Variants in DMRT1 observed in about 807,000 individuals in gnomAD.
DMRT1 encodes the protein doublesex- and mab-3-related transcription factor 1.
DMRT1 carries 7 observed loss-of-function variants against 32.3 expected under a neutral mutation model. The observed-to-expected ratio is 0.22, with a 90% CI of 0.12 to 0.41. DMRT1 has a LOEUF of 0.41. Among genes scored for constraint, DMRT1 ranks in the 10% least tolerant of loss-of-function variants. The pLI is 1.00. For synonymous variants in DMRT1, 278 were observed against 206.1 expected, an observed-to-expected ratio of 1.35 and a Z score of -2.99; for missense variants, 625 against 500.5, an observed-to-expected ratio of 1.25 and a Z score of -2.37.
At chr9:922,866 G>A (rs887202232) in intron 4 of DMRT1, among the ~76,000 whole-genome samples, 2 of 149,802 alleles carry the variant, frequency 1.3e-5, no homozygotes, top group Non-Finnish European at 2.9e-5. Flanking sequence ...CGTGAAGCGA[G>A]TTGCAGAGCA....
chr9:852,743 C>T (rs1053417831), intron 2 of DMRT1, among the ~76,000 whole-genome samples: 2 of 152,216 alleles, frequency 1.3e-5, no homozygotes, highest in East Asian at 3.8e-4. Flanking sequence ...TCCCCCAGAT[C>T]AAACCACCTC....
intron 2 of DMRT1, among the ~76,000 whole-genome samples, chr9:882,420 C>G (rs1247241264): frequency 6.6e-6 from 1 of 152,180 alleles, no homozygotes; most frequent in Non-Finnish European, 1.5e-5. Flanking sequence ...GAAGTCCTTT[C>G]TTATCCTTTA....
chr9:875,957 T>C (rs1248372154), intron 2 of DMRT1, among the ~76,000 whole-genome samples: 1 of 152,164 alleles, frequency 6.6e-6, no homozygotes, highest in African/African-American at 2.4e-5. Flanking sequence ...CACATGTGAT[T>C]GGCAGAGCTG....
intron 2 of DMRT1, among the ~76,000 whole-genome samples, chr9:866,733 A>G (rs2132595887): frequency 6.6e-6 from 1 of 152,272 alleles, no homozygotes; most frequent in Admixed American, 6.5e-5. Context: ...TGTGTGTGAG[A>G]CTGTCCCATG....
intron 3 of DMRT1, among the ~76,000 whole-genome samples, chr9:913,339 A>C (rs901422029): frequency 2.0e-5 from 3 of 152,156 alleles, no homozygotes; most frequent in Non-Finnish European, 2.9e-5. Context: ...CCTTGCTTCT[A>C]ATTCAGTGTT....
At chr9:861,050 CTTTTTTT>C (rs140608243) in intron 2 of DMRT1, among the ~76,000 whole-genome samples, 13 of 121,402 alleles carry the variant, frequency 1.1e-4, no homozygotes, top group Admixed American at 4.1e-4. Context: ...AATTTACTTT[CTTTTTTT>C]TTTTTTTTTT....
chr9:861,671 G>A (rs1378898849), intron 2 of DMRT1, among the ~76,000 whole-genome samples: 1 of 151,384 alleles, frequency 6.6e-6, no homozygotes, highest in Non-Finnish European at 1.5e-5. Context: ...CTTCCCAGAC[G>A]GGGAAGCCGG....
intron 4 of DMRT1, among the ~76,000 whole-genome samples, chr9:944,188 A>G (rs1819168324): frequency 6.6e-6 from 1 of 152,228 alleles, no homozygotes; most frequent in African/African-American, 2.4e-5. Flanking sequence ...TGCACCCGGC[A>G]CATGAGTGGT....
chr9:857,407 A>G (rs1172826203), intron 2 of DMRT1, among the ~76,000 whole-genome samples: 2 of 152,132 alleles, frequency 1.3e-5, no homozygotes, highest in Non-Finnish European at 1.5e-5. Flanking sequence ...TTTATATTGA[A>G]AGGAACAGTA....
At chr9:864,690 CAG>C (rs1226971788) in intron 2 of DMRT1, among the ~76,000 whole-genome samples, 3 of 151,060 alleles carry the variant, frequency 2.0e-5, no homozygotes, top group African/African-American at 7.3e-5. Flanking sequence ...TTAGTAGAGA[CAG>C]GGTTTCACCA....
intron 2 of DMRT1, among the ~76,000 whole-genome samples, chr9:891,167 C>A (rs1268151505): frequency 6.6e-6 from 1 of 151,094 alleles, no homozygotes; most frequent in Non-Finnish European, 1.5e-5. Context: ...TAGTGAGACC[C>A]CATCTCTATA....
In DMRT1 at chr9:842,020, C is replaced by T. The variant is rs777177912; in HGVS notation, c.182C>T (p.Ser61Leu). 1.9e-6 allele frequency: 3 copies of T among 1,550,400 alleles called. No homozygotes were observed. Among genetic ancestry groups the T allele is most frequent in the East Asian group, 4.8e-5 (2 of 41,482 alleles). The change falls in exon 1 of 5, where the codon TCG (serine) becomes TTG (leucine). Residue 61 changes from serine to leucine, a missense_variant. By Grantham distance (145) the Ser-to-Leu change is moderately radical (BLOSUM62 -2). This residue lies in a region of DMRT1 where 201 missense variants were observed against 152.0 expected (regional missense o/e 1.32). Transcript: ENST00000382276. ...SRGGGSGSGA[S>L]DLGAGSKKSP... ...GGAGGCGGCTCCGGCTCCGGGGCGT[C>T]GGACCTGGGTGCCGGGAGCAAGAAG...
At chr9:856,327 A>C (rs1815399745) in intron 2 of DMRT1, among the ~76,000 whole-genome samples, 1 of 152,168 alleles carries the variant, frequency 6.6e-6, no homozygotes, top group Admixed American at 6.6e-5. Context: ...AGTGTTTTTT[A>C]GTAAATTCAC....
Position 930,568 on chromosome 9 carries a change from C to T in DMRT1, c.967+13661C>T, listed in dbSNP as rs533964529. On this transcript the variant is annotated intron_variant, in intron 4 of 4. Coordinates refer to ENST00000382276, the MANE Select transcript of DMRT1 (RefSeq NM_021951.3). The stretch of plus-strand genomic sequence containing the variant: ...GGGCTACAGGCGCCCGCCACCATGC[C>T]CAGCAAATCCTTTGTATTTTTAGTA... Among the ~76,000 whole-genome samples, 15 of 152,190 alleles carry T rather than the reference C, an allele frequency of 9.9e-5. No individual in the cohort carries two copies. The East Asian group carries it at 2.1e-3, about 22-fold the overall frequency.
At chr9:908,888 C>A (rs927953703) in intron 3 of DMRT1, among the ~76,000 whole-genome samples, 3 of 152,148 alleles carry the variant, frequency 2.0e-5, no homozygotes, top group African/African-American at 7.2e-5. Flanking sequence ...GGAAAAAGGA[C>A]TCTTGGGTTC....
intron 2 of DMRT1, among the ~76,000 whole-genome samples, chr9:863,813 C>T (rs1815836520): frequency 6.6e-6 from 1 of 152,204 alleles, no homozygotes; most frequent in South Asian, 2.1e-4. Context: ...TGGGGTTGAA[C>T]ATCGTTCCGT....
rs35228255 is a variant in DMRT1, at chr9:890,085, G to GTTTT, written c.539-3809_539-3806dup. ...ACCACCACTTAACGCCACCAAACGT[G>GTTTT]TTTTTTTTTTTTTTTTTTTTTGAGC... is the stretch of plus-strand genomic sequence containing the variant. On this transcript the variant is annotated intron_variant, in intron 2 of 4. Coordinates refer to ENST00000382276, the MANE Select transcript of DMRT1 (RefSeq NM_021951.3). 1.7e-3 allele frequency among the ~76,000 whole-genome samples: 174 copies of GTTTT among 102,958 alleles called. 1 individual carries two copies. Among genetic ancestry groups the GTTTT allele is most frequent in the African/African-American group, 2.9e-3 (75 of 26,208 alleles). 67.5% of individuals were successfully genotyped at this position (102,958 alleles called of 152,430 possible).
chr9:935,576 C>A (rs1818859352), intron 4 of DMRT1, among the ~76,000 whole-genome samples: 1 of 152,190 alleles, frequency 6.6e-6, no homozygotes, highest in Admixed American at 6.5e-5. Context: ...GCATACCAGT[C>A]TCGCAGTGCC....
chr9:858,460 AC>A (rs1815498872), intron 2 of DMRT1, among the ~76,000 whole-genome samples: 1 of 151,778 alleles, frequency 6.6e-6, no homozygotes, highest in South Asian at 2.1e-4. Context: ...CCTGTTGATC[AC>A]CCCTCAGGTA....
Sources: gnomAD v4.1 joint callset for allele counts (sites outside exome capture counted in the v4.1 genomes callset) on GRCh38, gnomAD v4.1.1 for gene constraint, gnomAD v4.1.1 regional missense constraint, MANE v1.5 for transcripts, NCBI Gene and HGNC (gene_info 2026-07-23, HGNC 2026-07-21) for gene names.